The following COL7A1 variants were observed in gnomAD, a reference collection of about 807,000 sequenced individuals.
COL7A1 encodes collagen type VII alpha 1 chain.
A neutral mutation model predicts 456.2 loss-of-function variants in COL7A1; 296 were observed. The observed-to-expected ratio is 0.65, with a 90% CI of 0.59 to 0.71. COL7A1 has a LOEUF of 0.71. Ranked by LOEUF, COL7A1 falls within the 30% of genes least tolerant of loss-of-function variation. The probability of loss-of-function intolerance (pLI) is 0.00; values close to 1 mark genes in which losing one functional copy is unlikely to be tolerated. For synonymous variants in COL7A1, 1,464 were observed against 1,525.9 expected, an observed-to-expected ratio of 0.96 and a Z score of 0.95; for missense variants, 3,441 against 4,017.2, an observed-to-expected ratio of 0.86 and a Z score of 3.88.
Position 48,568,010 on chromosome 3 carries a change from T to C in COL7A1, c.7875+80A>G. ...TACTCCAACCTCTGACCCAGTGCCC[T>C]AATATCTGACCCCAGGTCCCTCGCC... is the stretch of plus-strand genomic sequence containing the variant. On this transcript the variant is annotated intron_variant, in intron 106 of 118. Coordinates refer to ENST00000681320, the MANE Select transcript of COL7A1 (RefSeq NM_000094.4). The surrounding 1 kb of genome is among the most constrained non-coding windows in gnomAD (Gnocchi z 5.2). 6.2e-7 allele frequency: 1 copy of C among 1,601,744 alleles called. No individual in the cohort carries two copies. The highest frequency in any genetic ancestry group is 8.6e-7 in the Non-Finnish European group (1 of 1,168,922).
Position 48,575,045 on chromosome 3 carries a change from G to T in COL7A1, c.6279+19C>A. On this transcript the variant is annotated intron_variant, in intron 76 of 118. Coordinates refer to ENST00000681320, the MANE Select transcript of COL7A1 (RefSeq NM_000094.4). The surrounding 1 kb of genome is among the most constrained non-coding windows in gnomAD (Gnocchi z 6.3). ...CCTGGTCACTAGTCACAGGACTAAG[G>T]CAGGGATGGGGTGATCACCTTGGGG... 6.2e-7 allele frequency: 1 copy of T among 1,609,656 alleles called. No homozygotes were observed. Among genetic ancestry groups the T allele is most frequent in the East Asian group, 2.2e-5 (1 of 44,844 alleles).
chr3:48,576,800 C>T lies in COL7A1; in HGVS notation c.5605-29G>A, dbSNP rs538476964. On this transcript the variant is annotated intron_variant, in intron 67 of 118. Coordinates refer to ENST00000681320, the MANE Select transcript of COL7A1 (RefSeq NM_000094.4). Reference sequence around the variant, plus strand: ...TGAAGGATGCAGCCAGCATCAGCACCCTGAGACCTCAGAAAAGAGTGGAGT... The same window carrying T: ...TGAAGGATGCAGCCAGCATCAGCACTCTGAGACCTCAGAAAAGAGTGGAGT... 2.4e-5 allele frequency: 39 copies of T among 1,613,858 alleles called. No individual in the cohort carries two copies. In the East Asian group the frequency reaches 7.4e-4, roughly 30 times the overall value.
intron 33 of COL7A1, 40 bp downstream of exon 33, chr3:48,584,996 G>T: frequency 1.9e-6 from 3 of 1,613,642 alleles, no homozygotes; most frequent in Non-Finnish European, 2.5e-6. Flanking sequence ...CACCCACTCA[G>T]GCAGCGCCCA....
rs1367143401 is a variant in COL7A1 at position 48,593,993 on chromosome 3, A to G, written c.267-297T>C. Among the ~76,000 whole-genome samples the G allele has an allele frequency of 1.3e-5, 2 of 152,322 alleles. No individual in the cohort carries two copies. The highest frequency in any genetic ancestry group is 2.9e-5 in the Non-Finnish European group (2 of 68,010). On this transcript the variant is annotated intron_variant, in intron 3 of 118. Coordinates refer to ENST00000681320, the MANE Select transcript of COL7A1 (RefSeq NM_000094.4). This position sits in a 1 kb window ranked among gnomAD's most constrained non-coding sequence, Gnocchi z 4.4. ...AATAATTGCAGGAGGAGGGGTCCAG[A>G]TGTAGGAAAGTGGATGCTGGCCAGA...
In COL7A1 at chr3:48,575,210, T is replaced by C; in HGVS notation, c.6213A>G (p.Glu2071=). ...GERGEKGERG[E]QGRDGPPGLP... ...CACGAAGCCCATCGCAGCCCACCTG[T>C]TCTCCACGTTCTCCTTTCTCTCCCC... The change falls in exon 75 of 119, where the codon GAA becomes GAG. Residue 2071 remains glutamate (E), a synonymous_variant. Coordinates refer to ENST00000681320, the MANE Select transcript of COL7A1 (RefSeq NM_000094.4). The surrounding 1 kb of genome is among the most constrained non-coding windows in gnomAD (Gnocchi z 6.3). 1.2e-6 allele frequency: 2 copies of C among 1,613,934 alleles called. No individual in the cohort carries two copies. The highest frequency in any genetic ancestry group is 1.7e-6 in the Non-Finnish European group (2 of 1,179,976).
chr3:48,586,681 C>T lies in COL7A1; in HGVS notation c.3285G>A (p.Leu1095=), dbSNP rs1184865694. 1 of 1,590,924 alleles carries T rather than the reference C, an allele frequency of 6.3e-7. No individual in the cohort carries two copies. Among genetic ancestry groups the T allele is most frequent in the East Asian group, 2.3e-5 (1 of 43,786 alleles). ...PLGPQAVQVG[L]LSYSHRPSPL... is the part of the protein sequence containing the mutation. ...GGGAGGGCCGATGACTGTAAGACAG[C>T]AGGCCAACCTGGGGTGGAAGGAAAC... Residue 1095 remains leucine (L), a synonymous_variant, in exon 26 of 119, where the codon CTG becomes CTA. Transcript: ENST00000681320. This position sits in a 1 kb window ranked among gnomAD's most constrained non-coding sequence, Gnocchi z 5.1.
chr3:48,594,545 G>C lies in COL7A1; in HGVS notation c.89C>G (p.Thr30Ser). The C allele has an allele frequency of 6.3e-7, 1 of 1,593,026 alleles. No homozygotes were observed. Among genetic ancestry groups the C allele is most frequent in the Non-Finnish European group, 8.5e-7 (1 of 1,171,724 alleles). The change falls in exon 3 of 119, where the codon ACC (threonine) becomes AGC (serine). Residue 30 changes from threonine (T) to serine (S), a missense_variant. Around this residue, in one of 3 missense-constraint regions of COL7A1, gnomAD observed 913 missense variants for 1,088.2 expected, o/e 0.84. Transcript: ENST00000681320. The surrounding 1 kb of genome is among the most constrained non-coding windows in gnomAD (Gnocchi z 5.5). ...RVRAQHRERV[T>S]CTRLYAADIV... ...GTCAGCGGCGTAAAGGCGCGTGCAGGTCACTGGGGCGGGCAGGAGAGATCA... is the reference window on the plus strand; with the variant it reads ...GTCAGCGGCGTAAAGGCGCGTGCAGCTCACTGGGGCGGGCAGGAGAGATCA...
chr3:48,573,802 T>G lies in COL7A1; in HGVS notation c.6537+53A>C. ...AGGAAACTGAGGCAGTACTGGTCAC[T>G]GGGGCAGGGCACAGGATGGGGGCAA... On this transcript the variant is annotated intron_variant, in intron 81 of 118. Transcript: ENST00000681320. This position sits in a 1 kb window ranked among gnomAD's most constrained non-coding sequence, Gnocchi z 5.5. 2 of 1,613,930 alleles carry G rather than the reference T, an allele frequency of 1.2e-6. No individual in the cohort carries two copies. The highest frequency in any genetic ancestry group is 1.7e-6 in the Non-Finnish European group (2 of 1,179,940).
Position 48,567,045 on chromosome 3 carries a change from T to A in COL7A1, c.8110-22A>T. 6.2e-7 allele frequency: 1 copy of A among 1,612,630 alleles called. No homozygotes were observed. Among genetic ancestry groups the A allele is most frequent in the Non-Finnish European group, 8.5e-7 (1 of 1,179,318 alleles). On this transcript the variant is annotated intron_variant, in intron 110 of 118. Coordinates refer to ENST00000681320, the MANE Select transcript of COL7A1 (RefSeq NM_000094.4). This position sits in a 1 kb window ranked among gnomAD's most constrained non-coding sequence, Gnocchi z 4.3. ...TTCCCTGGGGAGATATAGGACAGAGTCAGTAATCAGAGGCCCCAGAGATGG... is the reference window on the plus strand; with the variant it reads ...TTCCCTGGGGAGATATAGGACAGAGACAGTAATCAGAGGCCCCAGAGATGG...
In COL7A1 at chr3:48,581,534, T is replaced by C; in HGVS notation, c.4782+39A>G. The C allele has an allele frequency of 6.2e-7, 1 of 1,613,862 alleles. No homozygotes were observed. The highest frequency in any genetic ancestry group is 2.2e-5 in the East Asian group (1 of 44,862). ...ACTTAGTCAGGGTCCCACCACCTCA[T>C]CTCCCTCTGTCACACTCCCCATTCC... On this transcript the variant is annotated intron_variant, in intron 50 of 118. Coordinates refer to ENST00000681320, the MANE Select transcript of COL7A1 (RefSeq NM_000094.4). The surrounding 1 kb of genome is among the most constrained non-coding windows in gnomAD (Gnocchi z 5.8).
Position 48,586,046 on chromosome 3 carries a change from C to T in COL7A1, c.3723+28G>A, listed in dbSNP as rs750247343. The T allele has an allele frequency of 1.9e-5, 30 of 1,613,520 alleles. No homozygotes were observed. The highest frequency in any genetic ancestry group is 4.5e-5 in the East Asian group (2 of 44,888). On this transcript the variant is annotated intron_variant, in intron 28 of 118. Coordinates refer to ENST00000681320, the MANE Select transcript of COL7A1 (RefSeq NM_000094.4). The surrounding 1 kb of genome is among the most constrained non-coding windows in gnomAD (Gnocchi z 5.1). ...CCCCCAGACCCCTTATATTCTACCA[C>T]CCAGTCCCCCAGAGGCCTCTTCCAA... is the stretch of plus-strand genomic sequence containing the variant.
At position 48,572,400 on chromosome 3, in the gene COL7A1, C is replaced by T; in HGVS notation, c.6958G>A (p.Gly2320Arg). 6.2e-7 allele frequency: 1 copy of T among 1,614,178 alleles called. No individual in the cohort carries two copies. Among genetic ancestry groups the T allele is most frequent in the South Asian group, 1.1e-5 (1 of 91,090 alleles). ...CTTACCGGCTCACCCACCAGGTCTC[C>T]AGCAAGGCCTCCAGGGGCTCCCTGG... ...GEKGAPGGLA[G>R]DLVGEPGAKG... Residue 2320 changes from glycine (G) to arginine (R), a missense_variant, in exon 90 of 119, where the codon GGA becomes AGA. Gly to Arg is a moderately radical substitution (Grantham distance 125, BLOSUM62 -2). This residue lies in a region of COL7A1 where 2,084 missense variants were observed against 2,501.3 expected (regional missense o/e 0.83). Transcript: ENST00000681320. This position sits in a 1 kb window ranked among gnomAD's most constrained non-coding sequence, Gnocchi z 4.6.
Position 48,586,133 on chromosome 3 carries a change from G to A in COL7A1, c.3664C>T (p.Leu1222=), listed in dbSNP as rs1446886095. 1.2e-6 allele frequency: 2 copies of A among 1,613,386 alleles called. No individual in the cohort carries two copies. Among genetic ancestry groups the A allele is most frequent in the African/African-American group, 2.7e-5 (2 of 74,940 alleles). The change falls in exon 28 of 119, where the codon CTG becomes TTG. Residue 1222 remains leucine (L), a synonymous_variant. Coordinates refer to ENST00000681320, the MANE Select transcript of COL7A1 (RefSeq NM_000094.4). The surrounding 1 kb of genome is among the most constrained non-coding windows in gnomAD (Gnocchi z 5.1). Reference sequence around the variant, plus strand: ...GCCAGACCACTGACTGCCTGGTCCAGGCTTGGCCCATCATCCACGGCGAAG... The same window carrying A: ...GCCAGACCACTGACTGCCTGGTCCAAGCTTGGCCCATCATCCACGGCGAAG... ...TFFAVDDGPS[L]DQAVSGLATA...
rs758378244 is a variant in COL7A1 at position 48,590,655 on chromosome 3, G to C, written c.1780+18C>G. ...TGAGGCAGGCAGCTGTCCTCCACAA[G>C]CCTCCTGCAGTACTCACCCCGGCGG... On this transcript the variant is annotated intron_variant, in intron 14 of 118. Transcript: ENST00000681320. This position sits in a 1 kb window ranked among gnomAD's most constrained non-coding sequence, Gnocchi z 4.6. 6.2e-7 allele frequency: 1 copy of C among 1,613,970 alleles called. No homozygotes were observed. Among genetic ancestry groups the C allele is most frequent in the Non-Finnish European group, 8.5e-7 (1 of 1,180,036 alleles).
intron 16 of COL7A1, 103 bp from the exon 17 acceptor site, chr3:48,589,821 A>G: frequency 6.5e-7 from 1 of 1,540,846 alleles, no homozygotes; most frequent in Non-Finnish European, 8.9e-7. Context: ...CGGGAATTTG[A>G]TAGAGGAGAT....
Position 48,587,951 on chromosome 3 carries a change from G to A in COL7A1, c.2711-12C>T, listed in dbSNP as rs752617339. On this transcript the variant is annotated splice_polypyrimidine_tract_variant and intron_variant, in intron 21 of 118. Transcript: ENST00000681320. The surrounding 1 kb of genome is among the most constrained non-coding windows in gnomAD (Gnocchi z 6.1). ...CTGTTCCTGGCCACCTGGGGCAGGCGTGAGGGTGGGGGCCAAGAGCATGTG... is the reference window on the plus strand; with the variant it reads ...CTGTTCCTGGCCACCTGGGGCAGGCATGAGGGTGGGGGCCAAGAGCATGTG... The A allele has an allele frequency of 2.1e-5, 33 of 1,577,634 alleles. No individual in the cohort carries two copies. The highest frequency in any genetic ancestry group is 1.8e-4 in the Middle Eastern group (1 of 5,666).
Position 48,581,304 on chromosome 3 carries a change from C to T in COL7A1, c.4855G>A (p.Gly1619Arg), listed in dbSNP as rs1302844993. The change falls in exon 52 of 119, where the codon GGG becomes AGG. Residue 1619 changes from glycine to arginine, a missense_variant. Gly to Arg is a moderately radical substitution (Grantham distance 125). Transcript: ENST00000681320. This position sits in a 1 kb window ranked among gnomAD's most constrained non-coding sequence, Gnocchi z 5.8. ...ACAGGTCCTGGGGGGCCAGGCCGCC[C>T]AGGGTCTCCCTTCTCTCCAGGAGGC... ...SGPPGEKGDP[G>R]RPGPPGPVGP... 1.2e-6 allele frequency: 2 copies of T among 1,613,502 alleles called. No individual in the cohort carries two copies. The highest frequency in any genetic ancestry group is 1.3e-5 in the African/African-American group (1 of 74,912).
At position 48,572,140 on chromosome 3, in the gene COL7A1, G is replaced by A. The variant is rs371461318; in HGVS notation, c.7010C>T (p.Pro2337Leu). 14 of 1,613,916 alleles carry A rather than the reference G, an allele frequency of 8.7e-6. No individual in the cohort carries two copies. Among genetic ancestry groups the A allele is most frequent in the African/African-American group, 5.3e-5 (4 of 74,902 alleles). The part of the protein sequence containing the change: ...GAKGDRGLPG[P>L]RGEKGEAGRA... ...AACCCACCTCACCTTCTCGCCTCGCGGCCCTGGCAGTCCTCGGTCACCTTT... is the reference window on the plus strand; with the variant it reads ...AACCCACCTCACCTTCTCGCCTCGCAGCCCTGGCAGTCCTCGGTCACCTTT... The change falls in exon 91 of 119, where the codon CCG becomes CTG. Residue 2337 changes from proline to leucine, a missense_variant. This residue lies in a region of COL7A1 where 2,084 missense variants were observed against 2,501.3 expected (regional missense o/e 0.83). Coordinates refer to ENST00000681320, the MANE Select transcript of COL7A1 (RefSeq NM_000094.4). This position sits in a 1 kb window ranked among gnomAD's most constrained non-coding sequence, Gnocchi z 4.6.
chr3:48,567,091 C>T lies in COL7A1; in HGVS notation c.8109+37G>A. On this transcript the variant is annotated intron_variant, in intron 110 of 118. Transcript: ENST00000681320. This position sits in a 1 kb window ranked among gnomAD's most constrained non-coding sequence, Gnocchi z 4.3. ...GATGGACCCTCTCCCAAAGTGCACG[C>T]TCCCCTCAATTCACCATGACCATGG... 2 of 1,613,798 alleles carry T rather than the reference C, an allele frequency of 1.2e-6. No individual in the cohort carries two copies. Among genetic ancestry groups the T allele is most frequent in the Non-Finnish European group, 1.7e-6 (2 of 1,179,820 alleles).
Sources: allele counts gnomAD v4.1 joint callset (sites outside exome capture counted in the v4.1 genomes callset), GRCh38; gene constraint gnomAD v4.1.1; regional missense constraint gnomAD v4.1.1; non-coding constraint Gnocchi (gnomAD v3.1); transcripts MANE v1.5; gene names NCBI Gene and HGNC (gene_info 2026-07-23, HGNC 2026-07-21).